ARNT2: variants seen among roughly 807,000 people sequenced by gnomAD.
ARNT2 encodes the protein aryl hydrocarbon receptor nuclear translocator 2.
ARNT2 carries 36 observed loss-of-function variants against 91.7 expected under a neutral mutation model. That is an observed-to-expected ratio of 0.39 (90% CI 0.30 to 0.52). The LOEUF (loss-of-function observed/expected upper bound fraction) is 0.52. ARNT2 is among the 20% of genes least tolerant of loss of function. The pLI, the probability that ARNT2 is intolerant of heterozygous loss-of-function variation, is 0.72. For synonymous variants in ARNT2, 365 were observed against 347.1 expected (o/e 1.05, Z -0.57); for missense variants, 775 against 939.3 (o/e 0.83, Z 2.29).
At chr15:80,494,673 A>G (rs1897101646) in intron 5 of ARNT2, among the ~76,000 whole-genome samples, 2 of 152,128 alleles carry the variant, frequency 1.3e-5, no homozygotes, top group African/African-American at 2.4e-5. Flanking sequence ...ATCCCACATC[A>G]TGTTGAGAAT....
chr15:80,565,672 G>A (rs1404218933), intron 12 of ARNT2, among the ~76,000 whole-genome samples: 2 of 151,602 alleles, frequency 1.3e-5, no homozygotes, highest in Non-Finnish European at 2.9e-5. Flanking sequence ...GGCTGTTTCT[G>A]TGTCTTCTTT....
At position 80,574,205 on chromosome 15, in the gene ARNT2, G is replaced by A. The variant is rs1295252545; in HGVS notation, c.1374G>A (p.Ser458=). 18 of 1,614,024 alleles carry A rather than the reference G, an allele frequency of 1.1e-5. No homozygotes were observed. In the Admixed American group the frequency reaches 1.5e-4, roughly 13 times the overall value. The change falls in exon 13 of 19, where the codon TCG becomes TCA. Residue 458 remains serine (S), a synonymous_variant. Coordinates refer to ENST00000303329, the MANE Select transcript of ARNT2 (RefSeq NM_014862.4). ...LEVHQRDGLS[S]YDLSQVPVPN... ...TGCACCAGAGAGATGGATTGTCATC[G>A]TATGACTTATCCCAGGTGAGTTTCT... is the stretch of plus-strand genomic sequence containing the variant.
chr15:80,535,021 C>T (rs997663193), intron 8 of ARNT2, among the ~76,000 whole-genome samples: 1 of 152,116 alleles, frequency 6.6e-6, no homozygotes, highest in African/African-American at 2.4e-5. Flanking sequence ...GGATCAGCAT[C>T]CTAAAGTACC....
intron 1 of ARNT2, among the ~76,000 whole-genome samples, chr15:80,429,827 G>T (rs573468010): frequency 6.6e-6 from 1 of 152,042 alleles, no homozygotes; most frequent in Non-Finnish European, 1.5e-5. Flanking sequence ...AAAAAAGCCC[G>T]CCCACTGACA....
chr15:80,457,797 T>C (rs1441969206), intron 2 of ARNT2, 132 bp from the exon 3 acceptor site: 4 of 907,754 alleles, frequency 4.4e-6, no homozygotes, highest in African/African-American at 3.4e-5. Flanking sequence ...ATATTGCTTG[T>C]AGCACTGCCA....
Position 80,546,907 on chromosome 15 carries a change from G to A in ARNT2, c.878-4292G>A, listed in dbSNP as rs553413026. Among the ~76,000 whole-genome samples the A allele has an allele frequency of 2.6e-5, 4 of 151,828 alleles. No individual in the cohort carries two copies. In the South Asian group the frequency reaches 8.3e-4, roughly 32 times the overall value. On this transcript the variant is annotated intron_variant, in intron 8 of 18. Coordinates refer to ENST00000303329, the MANE Select transcript of ARNT2 (RefSeq NM_014862.4). ...GAACTCGGGAGGTGGAAGTTGCAGT[G>A]AGCCGAGATCACGCCATTGCACTCC...
intron 8 of ARNT2, among the ~76,000 whole-genome samples, chr15:80,546,233 C>T (rs1488061667): frequency 6.6e-6 from 1 of 152,202 alleles, no homozygotes; most frequent in Non-Finnish European, 1.5e-5. Flanking sequence ...TCAGCTTTCA[C>T]TCCACAATCG....
chr15:80,529,401 A>G (rs1897699197), intron 8 of ARNT2, among the ~76,000 whole-genome samples: 1 of 152,212 alleles, frequency 6.6e-6, no homozygotes, highest in African/African-American at 2.4e-5. Context: ...CTTTAGGGTC[A>G]CCAGCAGAAA....
At chr15:80,573,136 A>G (rs1898613499) in intron 12 of ARNT2, among the ~76,000 whole-genome samples, 1 of 152,224 alleles carries the variant, frequency 6.6e-6, no homozygotes, top group East Asian at 1.9e-4. Flanking sequence ...CCGTGTGACC[A>G]TGGTAGTTTC....
In ARNT2 at chr15:80,580,428, T is replaced by A; in HGVS notation, c.1631T>A (p.Val544Glu). The A allele has an allele frequency of 6.2e-7, 1 of 1,614,182 alleles. No homozygotes were observed. The highest frequency in any genetic ancestry group is 8.5e-7 in the Non-Finnish European group (1 of 1,180,032). ...GKAFSSSVVH[V>E]PGVNDIQSSS... ...TTTTCTAGCTCTTCAGTGGTTCATG[T>A]GCCTGGAGTGAATGATATTCAGTCC... The change falls in exon 16 of 19, where the codon GTG (valine) becomes GAG (glutamate). Residue 544 changes from valine (V) to glutamate (E), a missense_variant. Transcript: ENST00000303329.
intron 5 of ARNT2, among the ~76,000 whole-genome samples, chr15:80,486,376 G>A (rs1896973278): frequency 6.6e-6 from 1 of 152,156 alleles, no homozygotes; most frequent in Non-Finnish European, 1.5e-5. Flanking sequence ...TGGAGATGGA[G>A]GGAAGTGGTT....
chr15:80,535,306 A>G (rs1897803535), intron 8 of ARNT2, among the ~76,000 whole-genome samples: 1 of 152,216 alleles, frequency 6.6e-6, no homozygotes, highest in African/African-American at 2.4e-5. Context: ...GTGCTCTAAA[A>G]TCTTCCTAGC....
chr15:80,520,729 C>G (rs1414196055), intron 8 of ARNT2, among the ~76,000 whole-genome samples: 1 of 152,070 alleles, frequency 6.6e-6, no homozygotes, highest in African/African-American at 2.4e-5. Flanking sequence ...TTTTCATATA[C>G]TGACCATATT....
chr15:80,481,293 T>C (rs963869642), intron 5 of ARNT2, among the ~76,000 whole-genome samples: 1 of 152,230 alleles, frequency 6.6e-6, no homozygotes, highest in African/African-American at 2.4e-5. Context: ...GCTCTGCTCA[T>C]ATACCTTTCA....
At chr15:80,505,722 T>C (rs529068345) in intron 5 of ARNT2, among the ~76,000 whole-genome samples, 1 of 152,256 alleles carries the variant, frequency 6.6e-6, no homozygotes, top group Admixed American at 6.5e-5. Flanking sequence ...ACTAAATTTC[T>C]AGTTTGAGCA....
intron 5 of ARNT2, among the ~76,000 whole-genome samples, chr15:80,492,109 C>T (rs1379460749): frequency 1.3e-5 from 2 of 151,978 alleles, no homozygotes; most frequent in African/African-American, 4.8e-5. Flanking sequence ...GGCACCATCA[C>T]AGCTCACAGC....
At chr15:80,422,650 T>C (rs1895875974) in intron 1 of ARNT2, among the ~76,000 whole-genome samples, 1 of 152,208 alleles carries the variant, frequency 6.6e-6, no homozygotes. Context: ...AAGATAAACA[T>C]GCTTCGGCTA....
At chr15:80,524,991 A>G (rs1595998078) in intron 8 of ARNT2, among the ~76,000 whole-genome samples, 1 of 152,338 alleles carries the variant, frequency 6.6e-6, no homozygotes, top group African/African-American at 2.4e-5. Context: ...AAGTGTATCT[A>G]TGCGTTGAAA....
chr15:80,481,031 G>A (rs558989235), intron 5 of ARNT2, among the ~76,000 whole-genome samples: 10 of 152,278 alleles, frequency 6.6e-5, no homozygotes, highest in South Asian at 2.1e-4. Context: ...TATTCCAGCC[G>A]GGATTCTTTG....
Sources: gnomAD v4.1 joint callset for allele counts (sites outside exome capture counted in the v4.1 genomes callset) on GRCh38, gnomAD v4.1.1 for gene constraint, MANE v1.5 for transcripts, NCBI Gene and HGNC (gene_info 2026-07-23, HGNC 2026-07-21) for gene names.